The following SHC4 variants were observed in gnomAD, a reference collection of about 807,000 sequenced individuals.
The protein encoded by SHC4 is SHC-transforming protein 4.
In SHC4, 41 loss-of-function variants were observed where a neutral mutation model predicts 69.4. That is an observed-to-expected ratio of 0.59 (90% CI 0.46 to 0.77). The LOEUF (loss-of-function observed/expected upper bound fraction) is 0.77. Among genes scored for constraint, SHC4 ranks in the 30% least tolerant of loss-of-function variants. The pLI is 0.00. For synonymous variants in SHC4, 318 were observed against 299.3 expected, an observed-to-expected ratio of 1.06 and a Z score of -0.64; for missense variants, 777 against 783.8, an observed-to-expected ratio of 0.99 and a Z score of 0.10.
intron 3 of SHC4, among the ~76,000 whole-genome samples, chr15:48,889,597 C>A (rs1164471638): frequency 6.6e-6 from 1 of 152,258 alleles, no homozygotes; most frequent in African/African-American, 2.4e-5. Context: ...GTGGCCCCAG[C>A]ACTTTGGTAG....
Position 48,962,923 on chromosome 15 carries a change from G to A in SHC4, c.93C>T (p.Ser31=). The A allele has an allele frequency of 6.2e-7, 1 of 1,613,286 alleles. No homozygotes were observed. The highest frequency in any genetic ancestry group is 8.5e-7 in the Non-Finnish European group (1 of 1,180,026). ...HPGMLHRAKY[S]RFRNESITSL... is the part of the protein sequence containing the mutation. ...ACGTGATCGACTCGTTCCGAAAGCGGCTGTACTTGGCCCTGTGCAGCATCC... is the reference window on the plus strand; with the variant it reads ...ACGTGATCGACTCGTTCCGAAAGCGACTGTACTTGGCCCTGTGCAGCATCC... The change falls in exon 1 of 12, where the codon AGC becomes AGT. Residue 31 remains serine, a synonymous_variant. Transcript: ENST00000332408.
intron 1 of SHC4, among the ~76,000 whole-genome samples, chr15:48,961,911 A>G (rs1344282992): frequency 2.6e-5 from 4 of 152,228 alleles, no homozygotes; most frequent in African/African-American, 4.8e-5. Flanking sequence ...GCACAAGGTT[A>G]GAGACTCGGA....
chr15:48,962,390 C>G, intron 1 of SHC4, 41 bp downstream of exon 1: 1 of 1,506,784 alleles, frequency 6.6e-7, no homozygotes. Context: ...ATGCCCCCTT[C>G]CACGGAAGTT....
Position 48,916,273 on chromosome 15 carries a change from TCACACACACACACACACACACA to T in SHC4, c.656+8584_656+8605del, listed in dbSNP as rs71120648. 6.3e-5 allele frequency among the ~76,000 whole-genome samples: 9 copies of T among 142,548 alleles called. No individual in the cohort carries two copies. The South Asian group carries it at 1.2e-3, about 18-fold the overall frequency. 93.5% of individuals were successfully genotyped at this position (142,548 alleles called of 152,430 possible). A position where few individuals can be genotyped will look rare whatever the true frequency, so the allele number is the denominator to read the frequency against. ...AATCTGCTTTGCAGCTGATGGTTGCTCACACACACACACACACACACACACACACACACACACACACACACCC... is the reference window on the plus strand; with the variant it reads ...AATCTGCTTTGCAGCTGATGGTTGCTCACACACACACACACACACACACCC... On this transcript the variant is annotated intron_variant, in intron 2 of 11. Coordinates refer to ENST00000332408, the MANE Select transcript of SHC4 (RefSeq NM_203349.4).
rs746844664 is a variant in SHC4, at chr15:48,867,779, T to C, written c.946+39A>G. On this transcript the variant is annotated intron_variant, in intron 6 of 11. Transcript: ENST00000332408. The stretch of plus-strand genomic sequence containing the variant: ...TTGGTTACTTTTTAGAGTTGGTATA[T>C]ACCAGCTCTTTAAAAAATCTGTAAG... 3.2e-6 allele frequency: 5 copies of C among 1,579,990 alleles called. No individual in the cohort carries two copies. In the African/African-American group the frequency reaches 4.0e-5, roughly 13 times the overall value.
chr15:48,950,739 G>A (rs567992573), intron 1 of SHC4, among the ~76,000 whole-genome samples: 1 of 152,218 alleles, frequency 6.6e-6, no homozygotes, highest in East Asian at 1.9e-4. Flanking sequence ...CTTCTGACTT[G>A]GACAACAGGG....
chr15:48,849,022 C>T (rs1899150492), intron 9 of SHC4, among the ~76,000 whole-genome samples: 1 of 152,068 alleles, frequency 6.6e-6, no homozygotes, highest in Non-Finnish European at 1.5e-5. Context: ...TGTGGCTATG[C>T]TGACTATTTA....
chr15:48,957,188 G>A (rs1358959074), intron 1 of SHC4, among the ~76,000 whole-genome samples: 1 of 151,900 alleles, frequency 6.6e-6, no homozygotes, highest in African/African-American at 2.4e-5. Context: ...ATGTTGGCCT[G>A]GCTGGTCTCG....
chr15:48,864,742 C>T (rs915257647), intron 6 of SHC4, among the ~76,000 whole-genome samples: 1 of 152,074 alleles, frequency 6.6e-6, no homozygotes, highest in African/African-American at 2.4e-5. Flanking sequence ...CCACCGCGCC[C>T]GGCCTCCAAT....
intron 1 of SHC4, among the ~76,000 whole-genome samples, chr15:48,951,034 C>G (rs574374707): frequency 5.4e-4 from 82 of 152,224 alleles, no homozygotes; most frequent in South Asian, 2.1e-3. Flanking sequence ...CCCTTCCTCC[C>G]CTTTCCATAG....
intron 6 of SHC4, among the ~76,000 whole-genome samples, chr15:48,859,786 T>C (rs1277519711): frequency 6.6e-6 from 1 of 152,216 alleles, no homozygotes; most frequent in Non-Finnish European, 1.5e-5. Flanking sequence ...TTTGTGGAAA[T>C]AGTCTCCTCC....
chr15:48,933,792 C>A (rs1901016541), intron 1 of SHC4, among the ~76,000 whole-genome samples: 1 of 152,088 alleles, frequency 6.6e-6, no homozygotes, highest in South Asian at 2.1e-4. Flanking sequence ...CAAAAGTAAA[C>A]CCCTGCATTT....
chr15:48,954,592 G>A (rs1013604212), intron 1 of SHC4, among the ~76,000 whole-genome samples: 1 of 152,264 alleles, frequency 6.6e-6, no homozygotes, highest in African/African-American at 2.4e-5. Flanking sequence ...CAGGGGACTA[G>A]CGGATAAACA....
chr15:48,924,839 A>G (rs527344089), intron 2 of SHC4, 40 bp downstream of exon 2: 9 of 1,596,428 alleles, frequency 5.6e-6, no homozygotes, highest in Non-Finnish European at 6.9e-6. Flanking sequence ...GTGACTTTAA[A>G]CCATACTCCT....
At chr15:48,922,677 T>C (rs529543669) in intron 2 of SHC4, among the ~76,000 whole-genome samples, 44 of 152,186 alleles carry the variant, frequency 2.9e-4, no homozygotes, top group Non-Finnish European at 6.0e-4. Flanking sequence ...TGAGGGGACA[T>C]ATTCAGACCA....
chr15:48,918,734 A>G (rs977627276), intron 2 of SHC4, among the ~76,000 whole-genome samples: 28 of 152,340 alleles, frequency 1.8e-4, no homozygotes, highest in African/African-American at 6.5e-4. Flanking sequence ...TCCATACAAA[A>G]CGTTATTTGA....
intron 1 of SHC4, among the ~76,000 whole-genome samples, chr15:48,930,628 C>A (rs1465167730): frequency 6.6e-6 from 1 of 152,140 alleles, no homozygotes; most frequent in African/African-American, 2.4e-5. Context: ...CAGAGCGAGA[C>A]CCTGTCTGTA....
At chr15:48,940,408 T>C (rs1227463141) in intron 1 of SHC4, among the ~76,000 whole-genome samples, 1 of 152,194 alleles carries the variant, frequency 6.6e-6, no homozygotes, top group Non-Finnish European at 1.5e-5. Context: ...GACTCAGCTT[T>C]CAGTACCTAG....
Position 48,884,193 on chromosome 15 carries a change from A to C in SHC4, c.840+55T>G. ...AAACTTTATTCTTTTCATTATCCCC[A>C]CGCTTCTCTGAAAAAATAGATATGT... On this transcript the variant is annotated intron_variant, in intron 4 of 11. Transcript: ENST00000332408. The C allele has an allele frequency of 2.0e-6, 3 of 1,525,666 alleles. No homozygotes were observed. The South Asian group carries it at 3.9e-5, about 20-fold the overall frequency. 94.5% of individuals were successfully genotyped at this position (1,525,666 alleles called of 1,614,324 possible).
Sources: allele counts gnomAD v4.1 joint callset (sites outside exome capture counted in the v4.1 genomes callset), GRCh38; gene constraint gnomAD v4.1.1; transcripts MANE v1.5; gene names NCBI Gene and HGNC (gene_info 2026-07-23, HGNC 2026-07-21).